GATA4: variants seen among roughly 807,000 people sequenced by gnomAD.
GATA4 encodes transcription factor GATA-4.
A neutral mutation model predicts 37.9 loss-of-function variants in GATA4; 7 were observed. The observed-to-expected ratio is 0.18, with a 90% CI of 0.11 to 0.35. The LOEUF (loss-of-function observed/expected upper bound fraction) is 0.35, where lower values mean the gene tolerates loss of function less well. GATA4 is among the 10% of genes least tolerant of loss of function. GATA4 has a pLI of 1.00. For missense variants in GATA4, 647 were observed against 653.0 expected (o/e 0.99, Z 0.10); for synonymous variants, 372 against 292.6 (o/e 1.27, Z -2.77).
At chr8:11,744,065 G>C (rs1423968670) in intron 2 of GATA4, among the ~76,000 whole-genome samples, 2 of 152,170 alleles carry the variant, frequency 1.3e-5, no homozygotes, top group African/African-American at 4.8e-5. Flanking sequence ...GCTGTCAGTT[G>C]GTTCCTGGCT....
chr8:11,685,855 C>G (rs1799117232), intron 1 of GATA4, among the ~76,000 whole-genome samples: 1 of 152,100 alleles, frequency 6.6e-6, no homozygotes, highest in Non-Finnish European at 1.5e-5. Context: ...CAAATAGAAG[C>G]TGATTATTCA....
rs756754226 is a variant in GATA4, at chr8:11,730,286, C to G, written c.617-18630C>G. ...TGCAGGAGTGACAGGGACGTGGTGT[C>G]CATCTCAGAGGAGCCAAGTGGGCTT... On this transcript the variant is annotated intron_variant, in intron 2 of 6. Coordinates refer to ENST00000532059, the MANE Select transcript of GATA4 (RefSeq NM_001308093.3). 1.4e-4 allele frequency among the ~76,000 whole-genome samples: 22 copies of G among 152,172 alleles called. 1 individual carries two copies. The highest frequency in any genetic ancestry group is 7.3e-5 in the Non-Finnish European group (5 of 68,028).
chr8:11,690,171 G>A (rs534413936), upstream of GATA4, among the ~76,000 whole-genome samples: 1 of 152,318 alleles, frequency 6.6e-6, no homozygotes, highest in South Asian at 2.1e-4. Context: ...GTGTGAAGAG[G>A]TGCCACGTGG....
chr8:11,687,301 T>C (rs1412009765), intron 1 of GATA4, among the ~76,000 whole-genome samples: 1 of 152,200 alleles, frequency 6.6e-6, no homozygotes, highest in Non-Finnish European at 1.5e-5. Context: ...GCACAGTTTT[T>C]TTTAGGCATC....
chr8:11,729,332 G>A (rs1395815428), intron 2 of GATA4, among the ~76,000 whole-genome samples: 1 of 152,206 alleles, frequency 6.6e-6, no homozygotes. Flanking sequence ...CACTTTGGGA[G>A]GCCAGGGTGA....
At chr8:11,744,032 T>C (rs1801901375) in intron 2 of GATA4, among the ~76,000 whole-genome samples, 1 of 152,220 alleles carries the variant, frequency 6.6e-6, no homozygotes, top group South Asian at 2.1e-4. Flanking sequence ...GGAGACTGAG[T>C]ACAAGTGAAC....
intron 2 of GATA4, among the ~76,000 whole-genome samples, chr8:11,737,955 CG>C (rs1480208953): frequency 2.0e-5 from 3 of 152,022 alleles, no homozygotes; most frequent in African/African-American, 7.2e-5. Flanking sequence ...CCGAGCCTGG[CG>C]GATCACCTAG....
At chr8:11,757,599 A>G (rs1194725761) in intron 6 of GATA4, among the ~76,000 whole-genome samples, 2 of 152,200 alleles carry the variant, frequency 1.3e-5, no homozygotes, top group Non-Finnish European at 2.9e-5. Flanking sequence ...GGCATGGGGA[A>G]AGGCCTGGAT....
chr8:11,754,574 G>A (rs1802460197), intron 4 of GATA4, among the ~76,000 whole-genome samples: 1 of 152,168 alleles, frequency 6.6e-6, no homozygotes, highest in South Asian at 2.1e-4. Flanking sequence ...CTTTTGAACA[G>A]TCTGTCTCTG....
chr8:11,694,826 G>C (rs1189477504), intron 1 of GATA4, among the ~76,000 whole-genome samples: 1 of 152,096 alleles, frequency 6.6e-6, no homozygotes, highest in Admixed American at 6.6e-5. Context: ...GGAAGAGGTA[G>C]AAACAATCTC....
chr8:11,681,439 CCG>C lies in GATA4; in HGVS notation c.-274+4380_-274+4381del, dbSNP rs999389756. On this transcript the variant is annotated intron_variant, in intron 1 of 6. Transcript: ENST00000528712. ...AACTCGGGGGCCGTAGCTACGATCC[CCG>C]CGCAGACGCCGGAATCCGGGGCCCG... The C allele has an allele frequency of 4.1e-6, 4 of 984,804 alleles. No homozygotes were observed. The African/African-American group carries it at 7.0e-5, about 17-fold the overall frequency. 61.0% of individuals were successfully genotyped at this position (984,804 alleles called of 1,614,324 possible).
chr8:11,681,751 C>G (rs1220127230), intron 1 of GATA4, among the ~76,000 whole-genome samples: 4 of 152,122 alleles, frequency 2.6e-5, no homozygotes, highest in Admixed American at 1.3e-4. Context: ...TCCCCGCTTA[C>G]TTTGTTCTTT....
rs1258879356 is a variant in GATA4, at chr8:11,749,761, G to A, written c.787-350G>A. Among the ~76,000 whole-genome samples, 5 of 152,212 alleles carry A rather than the reference G, an allele frequency of 3.3e-5. No homozygotes were observed. Among genetic ancestry groups the A allele is most frequent in the African/African-American group, 1.2e-4 (5 of 41,460 alleles). ...ATTCCTCACTCTCTGCCTGCCCCCG[G>A]CACCTGCAGCCCCGGTCAGTTCTCC... On this transcript the variant is annotated intron_variant, in intron 3 of 6. Transcript: ENST00000532059. The surrounding 1 kb of genome is among the most constrained non-coding windows in gnomAD (Gnocchi z 4.6).
intron 1 of GATA4, chr8:11,697,464 G>A: frequency 1.4e-6 from 1 of 733,060 alleles, no homozygotes; most frequent in Non-Finnish European, 1.7e-6. Flanking sequence ...TCCCAGCTGG[G>A]GAAGCGGTGT....
rs1334964239 is a variant in GATA4, at chr8:11,749,442, C to T, written c.786+357C>T. Reference sequence around the variant, plus strand: ...GAGTGTCTCCTCCACCCACACCAACCCTGCAAGGAAGGTCACCTCAGAGGC... The same window carrying T: ...GAGTGTCTCCTCCACCCACACCAACTCTGCAAGGAAGGTCACCTCAGAGGC... On this transcript the variant is annotated intron_variant, in intron 3 of 6. Coordinates refer to ENST00000532059, the MANE Select transcript of GATA4 (RefSeq NM_001308093.3). This position sits in a 1 kb window ranked among gnomAD's most constrained non-coding sequence, Gnocchi z 4.6. Among the ~76,000 whole-genome samples the T allele has an allele frequency of 6.6e-6, 1 of 152,148 alleles. No homozygotes were observed. Among genetic ancestry groups the T allele is most frequent in the South Asian group, 2.1e-4 (1 of 4,828 alleles).
chr8:11,717,093 C>T (rs924935421), intron 2 of GATA4, among the ~76,000 whole-genome samples: 11 of 152,174 alleles, frequency 7.2e-5, no homozygotes, highest in Non-Finnish European at 1.5e-4. Flanking sequence ...GCTATATTGA[C>T]CTCTGGTAGA....
chr8:11,681,413 C>G (rs1188753556), intron 1 of GATA4: 4 of 984,396 alleles, frequency 4.1e-6, no homozygotes, highest in Non-Finnish European at 4.8e-6. Flanking sequence ...ACGCGTGGCT[C>G]AACTCGGGGG....
intron 6 of GATA4, 129 bp from the exon 7 acceptor site, chr8:11,758,164 C>T (rs1802698027): frequency 2.3e-6 from 2 of 860,624 alleles, no homozygotes; most frequent in Non-Finnish European, 2.0e-6. Flanking sequence ...AGAAGTGCTC[C>T]TTGGTCCCTT....
At chr8:11,686,216 G>T (rs926076482) in intron 1 of GATA4, among the ~76,000 whole-genome samples, 68 of 144,870 alleles carry the variant, frequency 4.7e-4, no homozygotes, top group Middle Eastern at 3.6e-3. Context: ...TACTGGGTCT[G>T]TTTTTTTTTT....
Sources: allele counts gnomAD v4.1 joint callset (sites outside exome capture counted in the v4.1 genomes callset), GRCh38; gene constraint gnomAD v4.1.1; non-coding constraint Gnocchi (gnomAD v3.1); transcripts MANE v1.5; gene names NCBI Gene and HGNC (gene_info 2026-07-23, HGNC 2026-07-21).